The following SH3RF1 variants were observed in gnomAD, a reference collection of about 807,000 sequenced individuals.
SH3RF1 encodes SH3 domain containing ring finger 1.
In SH3RF1, 32 loss-of-function variants were observed where a neutral mutation model predicts 74.0. That is an observed-to-expected ratio of 0.43 (90% CI 0.33 to 0.58). The LOEUF (loss-of-function observed/expected upper bound fraction) is 0.58, where lower values mean the gene tolerates loss of function less well. Among genes scored for constraint, SH3RF1 ranks in the 20% least tolerant of loss-of-function variants. The pLI is 0.05. For synonymous variants in SH3RF1, 396 were observed against 439.6 expected (o/e 0.90, Z 1.24); for missense variants, 954 against 1,130.9 (o/e 0.84, Z 2.24).
chr4:169,220,415 C>T (rs1174122761), intron 2 of SH3RF1: 1 of 152,222 alleles, frequency 6.6e-6, no homozygotes, highest in Non-Finnish European at 1.5e-5. Context: ...AATGAAAGAA[C>T]CGAATGAACT....
At chr4:169,158,178 T>C (rs1268595792) in intron 2 of SH3RF1, among the ~76,000 whole-genome samples, 1 of 152,162 alleles carries the variant, frequency 6.6e-6, no homozygotes, top group East Asian at 1.9e-4. Context: ...ACACCATTTA[T>C]GGGGACAAAA....
intron 2 of SH3RF1, among the ~76,000 whole-genome samples, chr4:169,187,516 C>CTG (rs60705711): frequency 4.6e-4 from 67 of 144,184 alleles, no homozygotes; most frequent in South Asian, 1.6e-3. Context: ...CAACGAATTT[C>CTG]TGTGTGTGTG....
intron 7 of SH3RF1, 94 bp from the exon 8 acceptor site, chr4:169,121,083 T>C: frequency 1.0e-6 from 1 of 972,084 alleles, no homozygotes; most frequent in Non-Finnish European, 1.6e-6. Context: ...TTGAACATTT[T>C]GTACAAATGT....
At chr4:169,215,562 T>C (rs1008692844) in intron 2 of SH3RF1, among the ~76,000 whole-genome samples, 1 of 152,186 alleles carries the variant, frequency 6.6e-6, no homozygotes, top group Non-Finnish European at 1.5e-5. Flanking sequence ...TCATCACATC[T>C]GGGCCTGGGG....
chr4:169,169,686 G>A (rs1734294940), intron 2 of SH3RF1, among the ~76,000 whole-genome samples: 1 of 152,042 alleles, frequency 6.6e-6, no homozygotes, highest in African/African-American at 2.4e-5. Context: ...GAAGATCTTT[G>A]GACCACTTAA....
intron 4 of SH3RF1, 34 bp from the exon 5 acceptor site, chr4:169,136,654 G>A: frequency 1.4e-6 from 2 of 1,461,376 alleles, no homozygotes; most frequent in Non-Finnish European, 1.8e-6. Flanking sequence ...ACACAAGAAG[G>A]TTAAACAATT....
intron 4 of SH3RF1, among the ~76,000 whole-genome samples, chr4:169,141,066 A>G (rs937487566): frequency 1.3e-5 from 2 of 150,752 alleles, no homozygotes; most frequent in African/African-American, 4.9e-5. Context: ...TCTTCTTCCA[A>G]TGTGATCCAG....
At chr4:169,235,674 G>A in intron 2 of SH3RF1, among the ~76,000 whole-genome samples, 1 of 151,970 alleles carries the variant, frequency 6.6e-6, no homozygotes, top group East Asian at 1.9e-4. Context: ...ATTATAAAGG[G>A]ATTTTACTTA....
chr4:169,136,107 G>T (rs1272855364), intron 5 of SH3RF1, among the ~76,000 whole-genome samples: 1 of 152,212 alleles, frequency 6.6e-6, no homozygotes, highest in Non-Finnish European at 1.5e-5. Flanking sequence ...GAAAATGACA[G>T]AGTAGTTAGT....
At chr4:169,256,830 T>C (rs1165700070) in intron 2 of SH3RF1, among the ~76,000 whole-genome samples, 2 of 152,214 alleles carry the variant, frequency 1.3e-5, no homozygotes, top group African/African-American at 4.8e-5. Context: ...CTCAAACTCC[T>C]GGCCACAACT....
chr4:169,208,486 T>C (rs1730300289), intron 2 of SH3RF1, among the ~76,000 whole-genome samples: 1 of 152,202 alleles, frequency 6.6e-6, no homozygotes, highest in Non-Finnish European at 1.5e-5. Flanking sequence ...CACAAATGTT[T>C]CTTAAAAATA....
chr4:169,110,199 C>A (rs1193956613), intron 10 of SH3RF1, among the ~76,000 whole-genome samples: 1 of 151,356 alleles, frequency 6.6e-6, no homozygotes, highest in Non-Finnish European at 1.5e-5. Context: ...CATAGCAAGA[C>A]CCCATCTCTA....
chr4:169,098,125 G>A (rs539927159), intron 11 of SH3RF1, among the ~76,000 whole-genome samples: 1 of 152,324 alleles, frequency 6.6e-6, no homozygotes, highest in African/African-American at 2.4e-5. Context: ...CACAGAAAGT[G>A]TGAAATAATA....
chr4:169,127,982 C>G (rs902177962), intron 6 of SH3RF1, among the ~76,000 whole-genome samples: 2 of 152,178 alleles, frequency 1.3e-5, no homozygotes, highest in Admixed American at 6.5e-5. Flanking sequence ...ATCCGAAATG[C>G]TCCAATGAGC....
chr4:169,263,338 C>A (rs1248549643), intron 2 of SH3RF1, among the ~76,000 whole-genome samples: 1 of 152,102 alleles, frequency 6.6e-6, no homozygotes, highest in African/African-American at 2.4e-5. Flanking sequence ...TATCTGCTGC[C>A]TTACTTGTTG....
intron 2 of SH3RF1, among the ~76,000 whole-genome samples, chr4:169,266,114 T>C (rs1005522191): frequency 4.6e-5 from 7 of 152,082 alleles, no homozygotes; most frequent in African/African-American, 1.7e-4. Flanking sequence ...AATCCCACAC[T>C]CTCCTTTTCT....
chr4:169,201,378 G>C (rs905870062), intron 2 of SH3RF1, among the ~76,000 whole-genome samples: 2 of 152,196 alleles, frequency 1.3e-5, no homozygotes, highest in Non-Finnish European at 2.9e-5. Flanking sequence ...CTAGGGCAGG[G>C]AGGATCTGTA....
At chr4:169,152,207 A>C (rs1430890040) in intron 4 of SH3RF1, among the ~76,000 whole-genome samples, 1 of 152,194 alleles carries the variant, frequency 6.6e-6, no homozygotes, top group Non-Finnish European at 1.5e-5. Context: ...CATAACCTCT[A>C]AGGCTCAACC....
At chr4:169,229,401 G>A (rs1283769530) in intron 2 of SH3RF1, among the ~76,000 whole-genome samples, 2 of 151,384 alleles carry the variant, frequency 1.3e-5, no homozygotes, top group Non-Finnish European at 2.9e-5. Flanking sequence ...AACACATGAT[G>A]TCTTTTTTTT....
Sources: allele counts gnomAD v4.1 joint callset (sites outside exome capture counted in the v4.1 genomes callset), GRCh38; gene constraint gnomAD v4.1.1; transcripts MANE v1.5; gene names NCBI Gene and HGNC (gene_info 2026-07-23, HGNC 2026-07-21).